The following PSME4 variants were observed in gnomAD, a reference collection of about 807,000 sequenced individuals.
PSME4 encodes the protein proteasome activator complex subunit 4.
PSME4 carries 89 observed loss-of-function variants against 253.9 expected under a neutral mutation model. That is an observed-to-expected ratio of 0.35 (90% CI 0.30 to 0.42). PSME4 has a LOEUF of 0.42. Ranked by LOEUF, PSME4 falls within the 10% of genes least tolerant of loss-of-function variation. The probability of loss-of-function intolerance (pLI) is 1.00; values close to 1 mark genes in which losing one functional copy is unlikely to be tolerated. For missense variants in PSME4, 2,014 were observed against 2,195.2 expected (o/e 0.92, Z 1.65); for synonymous variants, 851 against 759.2 (o/e 1.12, Z -1.99).
chr2:53,893,773 A>G lies in PSME4; in HGVS notation c.3939T>C (p.Phe1313=), dbSNP rs151206288. 2.8e-4 allele frequency: 454 copies of G among 1,609,784 alleles called. No individual in the cohort carries two copies. The highest frequency in any genetic ancestry group is 3.8e-4 in the Non-Finnish European group (443 of 1,177,940). ...TEAEQIIFDH[F]SDPKFVEQLI... is the part of the protein sequence containing the mutation. ...ACTGCTCAACAAATTTAGGATCAGAAAAATGATCAAATATAATCTGTTCTG... is the reference window on the plus strand; with the variant it reads ...ACTGCTCAACAAATTTAGGATCAGAGAAATGATCAAATATAATCTGTTCTG... Residue 1313 remains phenylalanine, a synonymous_variant, in exon 35 of 47, where the codon TTT becomes TTC. Transcript: ENST00000404125.
In PSME4 at chr2:53,921,108, AAAG is replaced by A. The variant is rs763406266; in HGVS notation, c.2047-7_2047-5del. ...TCCTTCCATCCACTCGAGTAATCTA[AAAG>A]GAGGGAAAAAATAGTTGAAGATATT... is the stretch of plus-strand genomic sequence containing the variant. On this transcript the variant is annotated splice_polypyrimidine_tract_variant and splice_region_variant and intron_variant, in intron 17 of 46. Coordinates refer to ENST00000404125, the MANE Select transcript of PSME4 (RefSeq NM_014614.3). 21 of 1,613,090 alleles carry A rather than the reference AAAG, an allele frequency of 1.3e-5. No individual in the cohort carries two copies. Among genetic ancestry groups the A allele is most frequent in the Non-Finnish European group, 1.7e-5 (20 of 1,179,880 alleles).
intron 3 of PSME4, among the ~76,000 whole-genome samples, chr2:53,940,748 G>A (rs1023282291): frequency 4.0e-5 from 6 of 149,438 alleles, no homozygotes; most frequent in South Asian, 4.2e-4. Context: ...TATAAACAAT[G>A]GAGCACTAGA....
chr2:53,967,753 G>A (rs539436794), intron 1 of PSME4, among the ~76,000 whole-genome samples: 18 of 147,968 alleles, frequency 1.2e-4, no homozygotes, highest in Admixed American at 8.8e-4. Flanking sequence ...CACCTCTGAT[G>A]TCCAGATTAC....
chr2:53,915,250 A>C (rs1035217618), intron 20 of PSME4, among the ~76,000 whole-genome samples: 1 of 152,082 alleles, frequency 6.6e-6, no homozygotes, highest in African/African-American at 2.4e-5. Flanking sequence ...AGACCAGCCT[A>C]GGCAACAAAG....
chr2:53,967,228 T>C (rs1670777832), intron 1 of PSME4, among the ~76,000 whole-genome samples: 1 of 152,224 alleles, frequency 6.6e-6, no homozygotes, highest in Admixed American at 6.5e-5. Context: ...TCTAGTACTT[T>C]AAATTGTCTG....
At chr2:53,892,253 G>A (rs1219568055) in intron 36 of PSME4, among the ~76,000 whole-genome samples, 1 of 152,188 alleles carries the variant, frequency 6.6e-6, no homozygotes, top group African/African-American at 2.4e-5. Context: ...AGGTGGTCCT[G>A]ACATTTGACC....
At chr2:53,933,136 G>C (rs577056341) in intron 8 of PSME4, 3 of 177,432 alleles carry the variant, frequency 1.7e-5, no homozygotes, top group South Asian at 2.4e-4. Flanking sequence ...AAAACCTGAT[G>C]TAAGGCTGAG....
chr2:53,933,974 A>C (rs1341378165), intron 8 of PSME4, among the ~76,000 whole-genome samples: 1 of 152,322 alleles, frequency 6.6e-6, no homozygotes, highest in East Asian at 1.9e-4. Flanking sequence ...AACAAAAAAA[A>C]ATTGTCTTTT....
rs1234094950 is a variant in PSME4, at chr2:53,914,536, AC to A, written c.2517-4407del. ...GAAAAAAATTTATCCTTAATTACCCACAATTACTTTATTATATCCATCCTTT... is the reference window on the plus strand; with the variant it reads ...GAAAAAAATTTATCCTTAATTACCCAAATTACTTTATTATATCCATCCTTT... On this transcript the variant is annotated intron_variant, in intron 20 of 46. Transcript: ENST00000404125. 3.3e-5 allele frequency among the ~76,000 whole-genome samples: 5 copies of A among 152,220 alleles called. No individual in the cohort carries two copies. In the East Asian group the frequency reaches 9.6e-4, roughly 29 times the overall value.
intron 41 of PSME4, among the ~76,000 whole-genome samples, chr2:53,882,387 A>G (rs1171056300): frequency 6.6e-6 from 1 of 152,182 alleles, no homozygotes; most frequent in Non-Finnish European, 1.5e-5. Context: ...CTATTTGCTA[A>G]TGGCAACTCA....
chr2:53,874,567 C>A, intron 42 of PSME4, 73 bp from the exon 43 acceptor site: 1 of 1,342,858 alleles, frequency 7.4e-7, no homozygotes, highest in Non-Finnish European at 1.0e-6. Context: ...AGTGACATTA[C>A]ACACAAACAA....
chr2:53,945,297 A>C (rs1233770773), intron 3 of PSME4, among the ~76,000 whole-genome samples: 1 of 152,210 alleles, frequency 6.6e-6, no homozygotes, highest in Non-Finnish European at 1.5e-5. Flanking sequence ...TAAGATTCAA[A>C]AGCTTCATTT....
chr2:53,871,505 C>T (rs1333356836), intron 43 of PSME4, among the ~76,000 whole-genome samples: 6 of 151,308 alleles, frequency 4.0e-5, no homozygotes, highest in Non-Finnish European at 5.9e-5. Flanking sequence ...CCGCCCACCT[C>T]GGCCTCCCAA....
chr2:53,969,462 CTCAGTTCAA>C (rs1045018581), intron 1 of PSME4, among the ~76,000 whole-genome samples: 5 of 152,268 alleles, frequency 3.3e-5, no homozygotes, highest in Non-Finnish European at 7.4e-5. Context: ...TGAGTCATCA[CTCAGTTCAA>C]TCAGCAGCTT....
chr2:53,923,301 G>C lies in PSME4; in HGVS notation c.1908+20C>G, dbSNP rs190660541. The C allele has an allele frequency of 6.7e-5, 106 of 1,586,376 alleles. No homozygotes were observed. In the African/African-American group the frequency reaches 1.4e-3, roughly 20 times the overall value. On this transcript the variant is annotated intron_variant, in intron 15 of 46. Coordinates refer to ENST00000404125, the MANE Select transcript of PSME4 (RefSeq NM_014614.3). ...TGATTGTTGAGTCATTAATACATCA[G>C]TTCAAAAAAATAAACTCACCTTTAC... is the stretch of plus-strand genomic sequence containing the variant.
In PSME4 at chr2:53,932,537, T is replaced by C. The variant is rs572108723; in HGVS notation, c.1050+131A>G. The C allele has an allele frequency of 3.6e-4, 255 of 713,636 alleles. 3 individuals are homozygous for C. In the South Asian group the frequency reaches 4.2e-3, roughly 12 times the overall value. The allele number at this position is 713,636 out of a possible 1,614,324, so 44.2% of individuals were successfully genotyped here. ...CTCCCACACAGTAATTTAATTTAAA[T>C]GTAAGCATTTACATATAGCTAAAGC... On this transcript the variant is annotated intron_variant, in intron 9 of 46. Transcript: ENST00000404125.
chr2:53,966,346 A>T (rs1473997169), intron 1 of PSME4, among the ~76,000 whole-genome samples: 4 of 152,132 alleles, frequency 2.6e-5, no homozygotes, highest in Non-Finnish European at 5.9e-5. Context: ...AAAAACCACT[A>T]ATAATCTAAA....
intron 3 of PSME4, 83 bp downstream of exon 3, chr2:53,948,338 C>T (rs1669821728): frequency 1.2e-6 from 1 of 834,698 alleles, no homozygotes; most frequent in Non-Finnish European, 2.0e-6. Context: ...TTCTTTCAAA[C>T]AACTCAATAT....
intron 4 of PSME4, 27 bp from the exon 5 acceptor site, chr2:53,937,567 A>G: frequency 6.3e-7 from 1 of 1,599,312 alleles, no homozygotes; most frequent in Non-Finnish European, 8.5e-7. Flanking sequence ...GTTTTCATGT[A>G]TCTGATTATT....
Sources: allele counts gnomAD v4.1 joint callset (sites outside exome capture counted in the v4.1 genomes callset), GRCh38; gene constraint gnomAD v4.1.1; transcripts MANE v1.5; gene names NCBI Gene and HGNC (gene_info 2026-07-23, HGNC 2026-07-21).